The following DNER variants were observed in gnomAD, a reference collection of about 807,000 sequenced individuals.
The protein encoded by DNER is delta and Notch-like epidermal growth factor-related receptor.
In DNER, 33 loss-of-function variants were observed where a neutral mutation model predicts 78.2. That is an observed-to-expected ratio of 0.42 (90% CI 0.32 to 0.56). DNER has a LOEUF of 0.56. Ranked by LOEUF, DNER falls within the 20% of genes least tolerant of loss-of-function variation. The pLI is 0.11. For missense variants in DNER, 918 were observed against 975.3 expected, an observed-to-expected ratio of 0.94 and a Z score of 0.78; for synonymous variants, 417 against 384.8, an observed-to-expected ratio of 1.08 and a Z score of -0.98.
chr2:229,408,881 G>A (rs1217624421), intron 9 of DNER, among the ~76,000 whole-genome samples: 1 of 152,102 alleles, frequency 6.6e-6, no homozygotes, highest in Non-Finnish European at 1.5e-5. Context: ...ATTCTGTCAG[G>A]TATTTTTCTG....
intron 1 of DNER, among the ~76,000 whole-genome samples, chr2:229,640,022 A>G (rs1698589367): frequency 6.6e-6 from 1 of 152,226 alleles, no homozygotes; most frequent in South Asian, 2.1e-4. Flanking sequence ...AGAAAGGGAA[A>G]CATCAGCAGA....
chr2:229,472,564 A>C (rs1474081598), intron 7 of DNER, among the ~76,000 whole-genome samples: 1 of 152,216 alleles, frequency 6.6e-6, no homozygotes, highest in Non-Finnish European at 1.5e-5. Flanking sequence ...ATACATATTT[A>C]AATACCAATA....
rs1262303366 is a variant in DNER at position 229,519,817 on chromosome 2, A to C, written c.994-6881T>G. Among the ~76,000 whole-genome samples, 3 of 152,106 alleles carry C rather than the reference A, an allele frequency of 2.0e-5. No individual in the cohort carries two copies. In the East Asian group the frequency reaches 5.8e-4, roughly 29 times the overall value. On this transcript the variant is annotated intron_variant, in intron 5 of 12. Transcript: ENST00000341772. Reference sequence around the variant, plus strand: ...ATGGTGGCATTTTAGTTCTCACTCCAGATTTCTGTGGTTTTTCTACTTCCT... The same window carrying C: ...ATGGTGGCATTTTAGTTCTCACTCCCGATTTCTGTGGTTTTTCTACTTCCT...
chr2:229,578,549 C>A (rs1697341835), intron 4 of DNER, among the ~76,000 whole-genome samples: 1 of 152,164 alleles, frequency 6.6e-6, no homozygotes, highest in Admixed American at 6.5e-5. Flanking sequence ...AGGAAGCCCT[C>A]CAGCCAAGCT....
rs146606823 is a variant in DNER, at chr2:229,429,870, G to A, written c.1487-11640C>T. Among the ~76,000 whole-genome samples the A allele has an allele frequency of 5.9e-3, 904 of 152,186 alleles. 12 individuals are homozygous for A. Among genetic ancestry groups the A allele is most frequent in the East Asian group, 9.1e-3 (47 of 5,170 alleles). ...AGCCCCATCCCCTGAGATTAACCTC[G>A]GGGCTGGATCTGGTTTCCTGCTTGG... On this transcript the variant is annotated intron_variant, in intron 8 of 12. Coordinates refer to ENST00000341772, the MANE Select transcript of DNER (RefSeq NM_139072.4).
intron 10 of DNER, among the ~76,000 whole-genome samples, chr2:229,397,822 TTGAC>T (rs1264130997): frequency 6.6e-6 from 1 of 152,036 alleles, no homozygotes; most frequent in East Asian, 1.9e-4. Context: ...AAAAATTAAA[TTGAC>T]TGAAAATGAA....
chr2:229,484,211 G>T (rs1695224750), intron 6 of DNER, among the ~76,000 whole-genome samples: 1 of 152,152 alleles, frequency 6.6e-6, no homozygotes, highest in South Asian at 2.1e-4. Context: ...ATCGAGAACG[G>T]CCTGGGTAAA....
intron 6 of DNER, among the ~76,000 whole-genome samples, chr2:229,505,177 A>AGTGTGTGT (rs144321798): frequency 0.068 from 8,588 of 126,354 alleles, 364 homozygotes; most frequent in East Asian, 0.094. Flanking sequence ...GTGTTGCTGC[A>AGTGTGTGT]GTGTGTGTGT....
chr2:229,713,894 A>G (rs2154217974), intron 1 of DNER, among the ~76,000 whole-genome samples: 1 of 152,012 alleles, frequency 6.6e-6, no homozygotes, highest in Non-Finnish European at 1.5e-5. Flanking sequence ...GCCCCGCGCG[A>G]GAAGTGCCGA....
chr2:229,627,910 G>A (rs73998301), intron 1 of DNER, among the ~76,000 whole-genome samples: 2,563 of 151,968 alleles, frequency 0.017, 76 homozygotes, highest in African/African-American at 0.058. Context: ...CCAACATGGC[G>A]CAACAATGGT....
At chr2:229,466,415 C>T (rs1169634643) in intron 7 of DNER, among the ~76,000 whole-genome samples, 1 of 152,166 alleles carries the variant, frequency 6.6e-6, no homozygotes, top group Non-Finnish European at 1.5e-5. Context: ...TAGGTTACTA[C>T]TTAGTCTTCA....
chr2:229,703,650 G>C (rs1374288950), intron 1 of DNER, among the ~76,000 whole-genome samples: 1 of 152,190 alleles, frequency 6.6e-6, no homozygotes, highest in Non-Finnish European at 1.5e-5. Context: ...AGGCCAAGGT[G>C]GGCAGATTTC....
At chr2:229,654,689 G>A (rs976103293) in intron 1 of DNER, among the ~76,000 whole-genome samples, 8 of 152,154 alleles carry the variant, frequency 5.3e-5, no homozygotes, top group African/African-American at 1.9e-4. Flanking sequence ...TTTGGGGTCA[G>A]AGCCCTGAAA....
At chr2:229,463,088 G>T (rs1694736102) in intron 7 of DNER, among the ~76,000 whole-genome samples, 1 of 152,014 alleles carries the variant, frequency 6.6e-6, no homozygotes, top group Admixed American at 6.5e-5. Context: ...GGTGTGTATT[G>T]GTTTCCCTGT....
chr2:229,696,250 C>A (rs1699660645), intron 1 of DNER, among the ~76,000 whole-genome samples: 2 of 152,166 alleles, frequency 1.3e-5, no homozygotes, highest in African/African-American at 4.8e-5. Context: ...CTAGGTCAAC[C>A]CACATGAGCT....
At chr2:229,440,823 A>T (rs894014928) in intron 8 of DNER, among the ~76,000 whole-genome samples, 3 of 152,164 alleles carry the variant, frequency 2.0e-5, no homozygotes, top group Non-Finnish European at 4.4e-5. Flanking sequence ...TGACAACTGA[A>T]CCCTGATGAT....
At chr2:229,533,340 C>T in intron 5 of DNER, among the ~76,000 whole-genome samples, 1 of 152,074 alleles carries the variant, frequency 6.6e-6, no homozygotes, top group East Asian at 1.9e-4. Context: ...GCCTTTTCCA[C>T]TCTGTTGACA....
At chr2:229,462,758 A>C (rs1694729186) in intron 7 of DNER, among the ~76,000 whole-genome samples, 1 of 152,074 alleles carries the variant, frequency 6.6e-6, no homozygotes, top group African/African-American at 2.4e-5. Context: ...CATAGGCTAC[A>C]AGTCCTGTGG....
intron 7 of DNER, among the ~76,000 whole-genome samples, chr2:229,456,330 G>A (rs748839558): frequency 6.6e-6 from 1 of 151,558 alleles, no homozygotes; most frequent in African/African-American, 2.4e-5. Context: ...ATGGATCCCC[G>A]TGATCCAAAC....
Sources: allele counts gnomAD v4.1 joint callset (sites outside exome capture counted in the v4.1 genomes callset), GRCh38; gene constraint gnomAD v4.1.1; transcripts MANE v1.5; gene names NCBI Gene and HGNC (gene_info 2026-07-23, HGNC 2026-07-21).